Variants in INPP5D observed in about 807,000 individuals in gnomAD.
INPP5D encodes the protein inositol polyphosphate-5-phosphatase D, also known as phosphatidylinositol 3,4,5-trisphosphate 5-phosphatase 1.
A neutral mutation model predicts 122.9 loss-of-function variants in INPP5D; 33 were observed. The observed-to-expected ratio is 0.27, with a 90% confidence interval of 0.20 to 0.36. The LOEUF (loss-of-function observed/expected upper bound fraction) is 0.36, where lower values mean the gene tolerates loss of function less well. Ranked by LOEUF, INPP5D falls within the 10% of genes least tolerant of loss-of-function variation. The pLI, the probability that INPP5D is intolerant of heterozygous loss-of-function variation, is 1.00. For synonymous variants in INPP5D, 584 were observed against 576.2 expected (o/e 1.01, Z -0.19); for missense variants, 1,053 against 1,412.7 (o/e 0.75, Z 4.08).
intron 3 of INPP5D, among the ~76,000 whole-genome samples, chr2:233,123,491 T>A (rs1693058190): frequency 6.7e-6 from 1 of 150,136 alleles, no homozygotes; most frequent in African/African-American, 2.4e-5. Flanking sequence ...CTAAAAAGTG[T>A]GTGAGACTAA....
Position 233,164,846 on chromosome 2 carries a change from C to T in INPP5D, c.1555+422C>T, listed in dbSNP as rs568824907. ...TTGCAGGCCACTCAACACTATTCCTCTCTGCCTTTCTGGTGGGAAAGCAGC... is the reference window on the plus strand; with the variant it reads ...TTGCAGGCCACTCAACACTATTCCTTTCTGCCTTTCTGGTGGGAAAGCAGC... On this transcript the variant is annotated intron_variant, in intron 13 of 26. Transcript: ENST00000445964. The surrounding 1 kb of genome is among the most constrained non-coding windows in gnomAD (Gnocchi z 4.3). Among the ~76,000 whole-genome samples the T allele has an allele frequency of 5.3e-5, 8 of 152,240 alleles. No homozygotes were observed. Among genetic ancestry groups the T allele is most frequent in the Non-Finnish European group, 1.2e-4 (8 of 68,048 alleles).
rs762615216 is a variant in INPP5D at position 233,177,391 on chromosome 2, CA to C, written c.2071+46del. The C allele has an allele frequency of 6.2e-7, 1 of 1,612,834 alleles. No individual in the cohort carries two copies. The highest frequency in any genetic ancestry group is 8.5e-7 in the Non-Finnish European group (1 of 1,179,174). ...AAAGCAGAACAGGATCAGAGAATGG[CA>C]CCAAGCTGGGAGGTGTGACTGCCCT... On this transcript the variant is annotated intron_variant, in intron 18 of 26. Coordinates refer to ENST00000445964, the MANE Select transcript of INPP5D (RefSeq NM_001017915.3). The surrounding 1 kb of genome is among the most constrained non-coding windows in gnomAD (Gnocchi z 4.2).
intron 6 of INPP5D, among the ~76,000 whole-genome samples, chr2:233,143,668 T>C (rs951152918): frequency 2.0e-5 from 3 of 152,082 alleles, no homozygotes; most frequent in Non-Finnish European, 4.4e-5. Flanking sequence ...GACCAAAAAG[T>C]GGTTAGAGAA....
intron 6 of INPP5D, chr2:233,140,191 T>C (rs949748566): frequency 1.8e-3 from 438 of 244,376 alleles, no homozygotes; most frequent in Non-Finnish European, 2.8e-3. Flanking sequence ...TTGTGCCAAA[T>C]AAGGGGGTAA....
rs1189126775 is a variant in INPP5D, at chr2:233,063,098, C to T, written c.134+2486C>T. ...CAGAGTCGCCGTGGCCTGACGGAGA[C>T]GGCAGAGGCAGACAGTCCCAGGCTG... On this transcript the variant is annotated intron_variant, in intron 1 of 26. Transcript: ENST00000445964. 2.6e-5 allele frequency among the ~76,000 whole-genome samples: 4 copies of T among 152,142 alleles called. No individual in the cohort carries two copies. The South Asian group carries it at 6.2e-4, about 24-fold the overall frequency.
chr2:233,094,364 T>C (rs998619092), intron 2 of INPP5D, among the ~76,000 whole-genome samples: 1 of 151,332 alleles, frequency 6.6e-6, no homozygotes, highest in Admixed American at 6.6e-5. Context: ...ATTACAAAAA[T>C]TAGCCGGGCT....
At chr2:233,066,673 C>G (rs868218098) in intron 1 of INPP5D, among the ~76,000 whole-genome samples, 1 of 152,202 alleles carries the variant, frequency 6.6e-6, no homozygotes, top group Non-Finnish European at 1.5e-5. Context: ...GTGGCATGAT[C>G]TCGGCGCACT....
At chr2:233,095,327 C>T (rs993836537) in intron 2 of INPP5D, among the ~76,000 whole-genome samples, 15 of 152,180 alleles carry the variant, frequency 9.9e-5, no homozygotes, top group African/African-American at 3.1e-4. Flanking sequence ...TGTTCTTAAA[C>T]TTCTGGGCTT....
intron 5 of INPP5D, among the ~76,000 whole-genome samples, chr2:233,139,083 T>A (rs1038065075): frequency 6.6e-6 from 1 of 152,060 alleles, no homozygotes; most frequent in Non-Finnish European, 1.5e-5. Flanking sequence ...ATAACAAAGA[T>A]CTCAGAGTAA....
At chr2:233,161,976 A>T in intron 11 of INPP5D, 150 bp downstream of exon 11, 1 of 1,271,590 alleles carries the variant, frequency 7.9e-7, no homozygotes, top group Non-Finnish European at 1.0e-6. Context: ...CACCCGCACA[A>T]CCTCCTTCCT....
chr2:233,096,809 G>A (rs1420438228), intron 2 of INPP5D, among the ~76,000 whole-genome samples: 1 of 151,756 alleles, frequency 6.6e-6, no homozygotes, highest in Non-Finnish European at 1.5e-5. Context: ...AATTTTGGGG[G>A]TAAGTTATAT....
At chr2:233,092,269 T>C (rs1692013243) in intron 2 of INPP5D, among the ~76,000 whole-genome samples, 1 of 152,242 alleles carries the variant, frequency 6.6e-6, no homozygotes, top group African/African-American at 2.4e-5. Flanking sequence ...GGCTGGGGAC[T>C]CTGGGCTGGT....
chr2:233,079,966 G>A (rs79132182), intron 2 of INPP5D, among the ~76,000 whole-genome samples: 9,896 of 152,236 alleles, frequency 0.065, 649 homozygotes, highest in East Asian at 0.26. Flanking sequence ...TTTCACTCTT[G>A]TCACCCAGGC....
chr2:233,165,268 A>G (rs1301679425), intron 13 of INPP5D, among the ~76,000 whole-genome samples: 2 of 151,480 alleles, frequency 1.3e-5, no homozygotes, highest in Non-Finnish European at 2.9e-5. Context: ...TATGTGTGTG[A>G]ATCTATGCAT....
chr2:233,109,772 G>A (rs909318312), intron 2 of INPP5D, among the ~76,000 whole-genome samples: 2 of 147,722 alleles, frequency 1.4e-5, no homozygotes, highest in African/African-American at 5.0e-5. Flanking sequence ...ATCTTTAGTA[G>A]AGATGGGGTT....
intron 13 of INPP5D, among the ~76,000 whole-genome samples, chr2:233,166,151 C>T (rs1694332139): frequency 6.6e-6 from 1 of 152,200 alleles, no homozygotes; most frequent in Non-Finnish European, 1.5e-5. Context: ...GCGCCCACGC[C>T]CTCCTGCTGC....
At chr2:233,135,293 T>G (rs1693438450) in intron 5 of INPP5D, among the ~76,000 whole-genome samples, 2 of 151,860 alleles carry the variant, frequency 1.3e-5, no homozygotes, top group African/African-American at 4.8e-5. Context: ...ACTCCTAGGC[T>G]CAAGTGATCC....
intron 5 of INPP5D, among the ~76,000 whole-genome samples, chr2:233,138,911 A>C (rs78216606): frequency 7.0e-6 from 1 of 143,762 alleles, no homozygotes; most frequent in Non-Finnish European, 1.5e-5. Context: ...ACACCTGGCT[A>C]ATTTTTTTTT....
rs1178105640 is a variant in INPP5D at position 233,137,852 on chromosome 2, AAATATATATATATATATAT to A, written c.666-1988_666-1970del. On this transcript the variant is annotated intron_variant, in intron 5 of 26. Transcript: ENST00000445964. ...CATCACAAAAAAAAAAAAAAAAAAAAAATATATATATATATATATATATATATATATATATATATATATA... is the reference window on the plus strand; with the variant it reads ...CATCACAAAAAAAAAAAAAAAAAAAAATATATATATATATATATATATATA... Among the ~76,000 whole-genome samples the A allele has an allele frequency of 1.2e-3, 14 of 11,644 alleles. 3 individuals carry two copies. The highest frequency in any genetic ancestry group is 3.5e-3 in the African/African-American group (13 of 3,670). 7.6% of individuals were successfully genotyped at this position (11,644 alleles called of 152,430 possible).
Sources: gnomAD v4.1 joint callset for allele counts (sites outside exome capture counted in the v4.1 genomes callset) on GRCh38, gnomAD v4.1.1 for gene constraint, Gnocchi (gnomAD v3.1) non-coding constraint, MANE v1.5 for transcripts, NCBI Gene and HGNC (gene_info 2026-07-23, HGNC 2026-07-21) for gene names.